SUV39H2: variants seen among roughly 807,000 people sequenced by gnomAD.
SUV39H2 encodes the protein histone-lysine N-methyltransferase SUV39H2.
SUV39H2 carries 10 observed loss-of-function variants against 47.5 expected under a neutral mutation model. The ratio of observed to expected loss-of-function variants is 0.21; its 90% CI spans 0.13 to 0.36. The LOEUF (loss-of-function observed/expected upper bound fraction) is 0.36. Ranked by LOEUF, SUV39H2 falls within the 10% of genes least tolerant of loss-of-function variation. SUV39H2 has a pLI of 1.00. For synonymous variants in SUV39H2, 159 were observed against 166.8 expected (o/e 0.95, Z 0.36); for missense variants, 266 against 487.4 (o/e 0.55, Z 4.28).
intron 3 of SUV39H2, chr10:14,897,992 G>A (rs748787668): frequency 6.6e-6 from 1 of 151,716 alleles, no homozygotes; most frequent in Non-Finnish European, 1.5e-5. Flanking sequence ...AGCATTTATT[G>A]CATCCATAAT....
intron 2 of SUV39H2, among the ~76,000 whole-genome samples, chr10:14,895,939 GTTTGTTTGT>G (rs1156336001): frequency 2.1e-5 from 2 of 94,268 alleles, no homozygotes; most frequent in African/African-American, 8.0e-5. Context: ...TTTTTTTTTT[GTTTGTTTGT>G]TTTGTTTGTT....
At chr10:14,894,859 T>G (rs557385394) in intron 2 of SUV39H2, among the ~76,000 whole-genome samples, 1 of 152,318 alleles carries the variant, frequency 6.6e-6, no homozygotes, top group South Asian at 2.1e-4. Flanking sequence ...GGCTTAGACC[T>G]TTTGTCATTA....
At chr10:14,902,339 A>C in intron 5 of SUV39H2, 67 bp from the exon 6 acceptor site, 1 of 1,140,952 alleles carries the variant, frequency 8.8e-7, no homozygotes, top group Non-Finnish European at 1.2e-6. Context: ...ATATAATAGA[A>C]AATTTGAAAT....
Position 14,878,885 on chromosome 10 carries a change from C to T in SUV39H2, c.-4C>T, listed in dbSNP as rs944752037. 7.4e-6 allele frequency: 11 copies of T among 1,489,246 alleles called. No homozygotes were observed. The highest frequency in any genetic ancestry group is 9.8e-6 in the Non-Finnish European group (11 of 1,118,974). The allele number at this position is 1,489,246 out of a possible 1,614,324, so 92.3% of individuals were successfully genotyped here. On this transcript the variant is annotated 5_prime_UTR_variant, in exon 1 of 6. An upstream open reading frame in the 5' UTR gains an earlier in-frame stop. Coordinates refer to ENST00000354919, the MANE Select transcript of SUV39H2 (RefSeq NM_001193424.2). The stretch of plus-strand genomic sequence containing the variant: ...CGCGCCAGTTTGAATGAAAGCTCTA[C>T]AAGATGGCGGCGGTCGGGGCCGAGG...
chr10:14,902,551 T>C lies in SUV39H2; in HGVS notation c.*39T>C. ...ATAGAGCTGATGATTATAATATTTTTTTCCTAATGTTAACATTTTTAAAAA... is the reference window on the plus strand; with the variant it reads ...ATAGAGCTGATGATTATAATATTTTCTTCCTAATGTTAACATTTTTAAAAA... On this transcript the variant is annotated 3_prime_UTR_variant, in exon 6 of 6. Transcript: ENST00000354919. 2 of 1,306,766 alleles carry C rather than the reference T, an allele frequency of 1.5e-6. No individual in the cohort carries two copies. Among genetic ancestry groups the C allele is most frequent in the Non-Finnish European group, 2.1e-6 (2 of 954,536 alleles). 80.9% of individuals were successfully genotyped at this position (1,306,766 alleles called of 1,614,324 possible). A position where few individuals can be genotyped will look rare whatever the true frequency, so the allele number is the denominator to read the frequency against.
intron 2 of SUV39H2, among the ~76,000 whole-genome samples, chr10:14,893,321 A>G (rs1833456623): frequency 6.6e-6 from 1 of 152,078 alleles, no homozygotes; most frequent in Non-Finnish European, 1.5e-5. Flanking sequence ...TTTAGTACAG[A>G]TGGGGTTTCA....
At position 14,886,674 on chromosome 10, in the gene SUV39H2, T is replaced by C. The variant is rs1212918187; in HGVS notation, c.177+5029T>C. Among the ~76,000 whole-genome samples, 5 of 152,256 alleles carry C rather than the reference T, an allele frequency of 3.3e-5. No individual in the cohort carries two copies. The East Asian group carries it at 9.6e-4, about 29-fold the overall frequency. ...TCTCGTATACTTACTCAACAAATAT[T>C]TGAGTTTCTTCTGTGTGCCAGACAC... On this transcript the variant is annotated intron_variant, in intron 2 of 5. Transcript: ENST00000354919.
At chr10:14,890,871 C>T (rs1296570580) in intron 2 of SUV39H2, among the ~76,000 whole-genome samples, 3 of 152,276 alleles carry the variant, frequency 2.0e-5, no homozygotes, top group East Asian at 3.9e-4. Flanking sequence ...CCAAGTTTAT[C>T]AGCTTGTATT....
chr10:14,903,167 A>G lies in SUV39H2; in HGVS notation c.*655A>G, dbSNP rs1222491946. The G allele has an allele frequency of 6.6e-6, 1 of 152,166 alleles. No individual in the cohort carries two copies. Among genetic ancestry groups the G allele is most frequent in the Non-Finnish European group, 1.5e-5 (1 of 68,020 alleles). 9.4% of individuals were successfully genotyped at this position (152,166 alleles called of 1,614,324 possible). A position where few individuals can be genotyped will look rare whatever the true frequency, so the allele number is the denominator to read the frequency against. Reference sequence around the variant, plus strand: ...TGTCTGAACCTGTAATTCTTAAAAGACTTCTTAATCTTCTAGAAGAAAAAT... The same window carrying G: ...TGTCTGAACCTGTAATTCTTAAAAGGCTTCTTAATCTTCTAGAAGAAAAAT... On this transcript the variant is annotated 3_prime_UTR_variant, in exon 6 of 6. Coordinates refer to ENST00000354919, the MANE Select transcript of SUV39H2 (RefSeq NM_001193424.2).
intron 3 of SUV39H2, chr10:14,897,878 TTACTTCATC>T (rs1259927261): frequency 2.5e-4 from 39 of 157,888 alleles, no homozygotes; most frequent in Admixed American, 1.3e-4. Context: ...AAGTTTTAAT[TTACTTCATC>T]TATTTGACCA....
At chr10:14,893,870 T>A (rs1436239354) in intron 2 of SUV39H2, among the ~76,000 whole-genome samples, 1 of 152,214 alleles carries the variant, frequency 6.6e-6, no homozygotes, top group Non-Finnish European at 1.5e-5. Context: ...TGGCAGATGT[T>A]TTTAGTGTTC....
At chr10:14,891,896 C>T (rs974434397) in intron 2 of SUV39H2, among the ~76,000 whole-genome samples, 2 of 152,142 alleles carry the variant, frequency 1.3e-5, no homozygotes, top group Non-Finnish European at 2.9e-5. Flanking sequence ...ATGAGGTTGT[C>T]CAAAGAGATC....
chr10:14,894,361 T>C (rs199839119), intron 2 of SUV39H2, among the ~76,000 whole-genome samples: 2 of 49,974 alleles, frequency 4.0e-5, no homozygotes, highest in Non-Finnish European at 6.4e-5. Context: ...CAAAGTTTTT[T>C]TTTTTTTTTT....
intron 2 of SUV39H2, among the ~76,000 whole-genome samples, chr10:14,886,300 T>A (rs1833206344): frequency 6.6e-6 from 1 of 152,186 alleles, no homozygotes; most frequent in South Asian, 2.1e-4. Context: ...AGTGCATAGG[T>A]CACCACCTAT....
intron 3 of SUV39H2, 24 bp from the exon 4 acceptor site, chr10:14,899,515 A>G (rs987167769): frequency 1.6e-5 from 25 of 1,612,560 alleles, no homozygotes; most frequent in Non-Finnish European, 1.8e-5. Context: ...GCTACGTAAT[A>G]TACTTACAGT....
In SUV39H2 at chr10:14,899,607, T is replaced by C; in HGVS notation, c.918T>C (p.Phe306=). The change falls in exon 4 of 6, where the codon TTT becomes TTC. Residue 306 remains phenylalanine, a synonymous_variant. Coordinates refer to ENST00000354919, the MANE Select transcript of SUV39H2 (RefSeq NM_001193424.2). ...ACAACAAGGGAATCACGTATCTCTT[T>C]GATCTGGACTATGAGTCTGATGAAT... The part of the protein sequence containing the change: ...FYDNKGITYL[F]DLDYESDEFT... 1 of 1,614,192 alleles carries C rather than the reference T, an allele frequency of 6.2e-7. No individual in the cohort carries two copies. The highest frequency in any genetic ancestry group is 8.5e-7 in the Non-Finnish European group (1 of 1,180,018).
At position 14,895,471 on chromosome 10, in the gene SUV39H2, C is replaced by T. The variant is rs149367612; in HGVS notation, c.178-1375C>T. Among the ~76,000 whole-genome samples the T allele has an allele frequency of 7.2e-5, 11 of 152,296 alleles. 1 individual carries two copies. Among genetic ancestry groups the T allele is most frequent in the Non-Finnish European group, 1.6e-4 (11 of 68,020 alleles). On this transcript the variant is annotated intron_variant, in intron 2 of 5. Transcript: ENST00000354919. ...GATTACAGGCGTGACCCACCGCACC[C>T]AGCCGGAACTGCCTTTTTAAAAAGA...
At chr10:14,894,271 A>G in intron 2 of SUV39H2, among the ~76,000 whole-genome samples, 1 of 145,906 alleles carries the variant, frequency 6.9e-6, no homozygotes. Flanking sequence ...CCACAGAATT[A>G]CAGTTTTTGT....
At chr10:14,899,452 G>T in intron 3 of SUV39H2, 87 bp from the exon 4 acceptor site, 1 of 1,380,384 alleles carries the variant, frequency 7.2e-7, no homozygotes, top group Admixed American at 1.9e-5. Flanking sequence ...TTAAATATTT[G>T]TAGGTATTCG....
Sources: gnomAD v4.1 joint callset for allele counts (sites outside exome capture counted in the v4.1 genomes callset) on GRCh38, gnomAD v4.1.1 for gene constraint, MANE v1.5 for transcripts, NCBI Gene and HGNC (gene_info 2026-07-23, HGNC 2026-07-21) for gene names.